ADAM12: variants seen among roughly 807,000 people sequenced by gnomAD.
ADAM12 encodes disintegrin and metalloproteinase domain-containing protein 12.
A neutral mutation model predicts 106.4 loss-of-function variants in ADAM12; 70 were observed. The observed-to-expected ratio is 0.66, with a 90% CI of 0.54 to 0.80. The LOEUF (loss-of-function observed/expected upper bound fraction) is 0.80. ADAM12 is among the 30% of genes least tolerant of loss of function. The pLI, the probability that ADAM12 is intolerant of heterozygous loss-of-function variation, is 0.00. For missense variants in ADAM12, 1,010 were observed against 1,171.9 expected (o/e 0.86, Z 2.02); for synonymous variants, 420 against 433.5 (o/e 0.97, Z 0.39).
chr10:126,121,167 A>ATATATACTATATATACTATATATAC (rs1565074154), intron 5 of ADAM12, among the ~76,000 whole-genome samples: 17 of 83,764 alleles, frequency 2.0e-4, no homozygotes, highest in African/African-American at 3.6e-4. Context: ...TATATATACT[A>ATATATACTATATATACTATATATAC]TATATACTAT....
intron 1 of ADAM12, among the ~76,000 whole-genome samples, chr10:126,384,384 C>T (rs1328895715): frequency 6.6e-6 from 1 of 152,096 alleles, no homozygotes; most frequent in Non-Finnish European, 1.5e-5. Flanking sequence ...TACTGGAAAA[C>T]GTGCTCCACA....
chr10:126,127,745 C>T (rs1956229184), intron 5 of ADAM12, among the ~76,000 whole-genome samples: 2 of 152,218 alleles, frequency 1.3e-5, no homozygotes, highest in Admixed American at 1.3e-4. Context: ...TGAGGAAATG[C>T]ATGACAGCAC....
chr10:126,335,035 G>A (rs910347622), intron 1 of ADAM12, among the ~76,000 whole-genome samples: 11 of 152,174 alleles, frequency 7.2e-5, no homozygotes, highest in African/African-American at 1.9e-4. Context: ...ACAGTAAAGC[G>A]CTTTCGAAAA....
chr10:126,349,079 T>C (rs78966156), intron 1 of ADAM12, among the ~76,000 whole-genome samples: 2,332 of 152,290 alleles, frequency 0.015, 71 homozygotes, highest in African/African-American at 0.054. Flanking sequence ...ATTTAATTAT[T>C]CTAGATAAAT....
intron 3 of ADAM12, among the ~76,000 whole-genome samples, chr10:126,206,163 G>A (rs191856433): frequency 3.2e-4 from 48 of 152,222 alleles, no homozygotes; most frequent in Non-Finnish European, 2.4e-4. Context: ...TTGCTGTTAA[G>A]CTTTCTTTAT....
At chr10:126,086,271 A>T (rs1255379378) in intron 11 of ADAM12, among the ~76,000 whole-genome samples, 1 of 152,088 alleles carries the variant, frequency 6.6e-6, no homozygotes, top group Admixed American at 6.5e-5. Flanking sequence ...GGCCACTTCC[A>T]TGTGTCAAAC....
At chr10:126,310,933 G>C (rs539901191) in intron 2 of ADAM12, among the ~76,000 whole-genome samples, 1 of 152,244 alleles carries the variant, frequency 6.6e-6, no homozygotes, top group South Asian at 2.1e-4. Flanking sequence ...TGGACCCTAA[G>C]GAGCAGGAAA....
chr10:126,085,315 A>G (rs1405881155), intron 11 of ADAM12, among the ~76,000 whole-genome samples: 1 of 152,244 alleles, frequency 6.6e-6, no homozygotes, highest in Non-Finnish European at 1.5e-5. Context: ...ATAAACAAAA[A>G]ATGAAAATGC....
chr10:126,084,960 T>A (rs975645802), intron 11 of ADAM12, among the ~76,000 whole-genome samples: 1 of 152,240 alleles, frequency 6.6e-6, no homozygotes, highest in African/African-American at 2.4e-5. Context: ...TTTAGGGCTG[T>A]GACAATGAAA....
chr10:126,275,100 A>T (rs1004724371), intron 3 of ADAM12, among the ~76,000 whole-genome samples: 1 of 152,220 alleles, frequency 6.6e-6, no homozygotes, highest in Non-Finnish European at 1.5e-5. Context: ...TCAATCAGTG[A>T]TGGGAACAGA....
chr10:126,362,401 A>G (rs1855771844), intron 1 of ADAM12, among the ~76,000 whole-genome samples: 1 of 152,146 alleles, frequency 6.6e-6, no homozygotes, highest in Non-Finnish European at 1.5e-5. Flanking sequence ...TAATATTACC[A>G]TATGACCCTG....
At chr10:126,192,256 T>C (rs929262814) in intron 3 of ADAM12, among the ~76,000 whole-genome samples, 1 of 152,192 alleles carries the variant, frequency 6.6e-6, no homozygotes, top group African/African-American at 2.4e-5. Flanking sequence ...TTATGAGAAC[T>C]GCATGAGTTA....
chr10:126,380,450 C>A (rs753417091), intron 1 of ADAM12, among the ~76,000 whole-genome samples: 2 of 152,196 alleles, frequency 1.3e-5, no homozygotes, highest in Non-Finnish European at 2.9e-5. Context: ...TGCCTTGCCT[C>A]TGACACTGCT....
chr10:126,076,225 C>T lies in ADAM12; in HGVS notation c.1146-4571G>A, dbSNP rs141403351. 2.0e-3 allele frequency among the ~76,000 whole-genome samples: 301 copies of T among 152,304 alleles called. 2 individuals carry two copies. Among genetic ancestry groups the T allele is most frequent in the Middle Eastern group, 0.017 (5 of 294 alleles). ...CTAATTTGCTTAGGATAATGGCCTC[C>T]GGCTCCATCCATGTTGCTGCAAAGG... is the stretch of plus-strand genomic sequence containing the variant. On this transcript the variant is annotated intron_variant, in intron 11 of 22. Coordinates refer to ENST00000448723, the MANE Select transcript of ADAM12 (RefSeq NM_001288973.2).
chr10:126,326,513 C>T (rs1016798837), intron 2 of ADAM12, among the ~76,000 whole-genome samples: 12 of 152,168 alleles, frequency 7.9e-5, no homozygotes, highest in African/African-American at 2.9e-4. Context: ...CTTCAAAGTA[C>T]GTCTCCAGTC....
At chr10:126,074,266 A>G (rs1955056023) in intron 11 of ADAM12, among the ~76,000 whole-genome samples, 1 of 152,206 alleles carries the variant, frequency 6.6e-6, no homozygotes, top group African/African-American at 2.4e-5. Flanking sequence ...AATTAAGAGA[A>G]GCCTGGAAAA....
intron 2 of ADAM12, among the ~76,000 whole-genome samples, chr10:126,287,476 C>T (rs1254543180): frequency 6.6e-6 from 1 of 152,170 alleles, no homozygotes; most frequent in African/African-American, 2.4e-5. Flanking sequence ...GGAGAAAATC[C>T]ACCCTGGCTT....
intron 12 of ADAM12, among the ~76,000 whole-genome samples, chr10:126,069,665 AGCAGTGATGCTG>A: frequency 6.6e-6 from 1 of 152,298 alleles, no homozygotes; most frequent in Middle Eastern, 3.4e-3. Flanking sequence ...TGGGGATGGT[AGCAGTGATGCTG>A]GTAGCGATGT....
At chr10:126,104,000 A>G (rs938261169) in intron 8 of ADAM12, among the ~76,000 whole-genome samples, 1 of 152,204 alleles carries the variant, frequency 6.6e-6, no homozygotes, top group Admixed American at 6.5e-5. Context: ...AGTGGTGCAC[A>G]TAGGAAGTCC....
Sources: gnomAD v4.1 joint callset for allele counts (sites outside exome capture counted in the v4.1 genomes callset) on GRCh38, gnomAD v4.1.1 for gene constraint, MANE v1.5 for transcripts, NCBI Gene and HGNC (gene_info 2026-07-23, HGNC 2026-07-21) for gene names.